GDAP2: variants seen among roughly 807,000 people sequenced by gnomAD.
GDAP2 encodes the protein ganglioside-induced differentiation-associated protein 2.
In GDAP2, 51 loss-of-function variants were observed where a neutral mutation model predicts 67.0. The ratio of observed to expected loss-of-function variants is 0.76; its 90% CI spans 0.61 to 0.96. The LOEUF is 0.96. Among genes scored for constraint, GDAP2 ranks in the 40% least tolerant of loss-of-function variants. The pLI is 0.00. For synonymous variants in GDAP2, 203 were observed against 207.3 expected (o/e 0.98, Z 0.18); for missense variants, 547 against 588.3 (o/e 0.93, Z 0.73).
chr1:117,914,360 G>A (rs1204148069), intron 3 of GDAP2, among the ~76,000 whole-genome samples: 1 of 152,010 alleles, frequency 6.6e-6, no homozygotes, highest in Non-Finnish European at 1.5e-5. Flanking sequence ...GAAATGAAAA[G>A]TTCAATAGAA....
intron 13 of GDAP2, among the ~76,000 whole-genome samples, chr1:117,870,921 G>A (rs938215657): frequency 6.6e-6 from 1 of 152,112 alleles, no homozygotes; most frequent in African/African-American, 2.4e-5. Context: ...CCATGAAGTA[G>A]GTAACATCCT....
intron 8 of GDAP2, among the ~76,000 whole-genome samples, chr1:117,891,419 C>T (rs1271450268): frequency 6.6e-6 from 1 of 152,008 alleles, no homozygotes; most frequent in Non-Finnish European, 1.5e-5. Context: ...CTGTGAATCC[C>T]TGTCCTCACC....
chr1:117,902,102 G>A (rs746090996), intron 6 of GDAP2, among the ~76,000 whole-genome samples: 6 of 152,144 alleles, frequency 3.9e-5, no homozygotes, highest in Non-Finnish European at 7.4e-5. Context: ...GCCCTGCATA[G>A]CACCCATGCC....
rs990179811 is a variant in GDAP2 at position 117,900,106 on chromosome 1, A to G, written c.637-890T>C. Among the ~76,000 whole-genome samples the G allele has an allele frequency of 2.0e-5, 3 of 152,172 alleles. No individual in the cohort carries two copies. The East Asian group carries it at 5.8e-4, about 29-fold the overall frequency. ...AAAAAAACTGAGACAGAATTCACAT[A>G]CCATAAAATTCACCCTTTTAAAGTA... On this transcript the variant is annotated intron_variant, in intron 6 of 13. Coordinates refer to ENST00000369443, the MANE Select transcript of GDAP2 (RefSeq NM_017686.4).
chr1:117,913,180 T>G (rs1177729649), intron 3 of GDAP2, among the ~76,000 whole-genome samples: 1 of 152,160 alleles, frequency 6.6e-6, no homozygotes, highest in African/African-American at 2.4e-5. Flanking sequence ...TTCACAGGAT[T>G]AAACGAGTTA....
intron 5 of GDAP2, among the ~76,000 whole-genome samples, chr1:117,909,631 A>G (rs983510639): frequency 2.0e-5 from 3 of 152,218 alleles, no homozygotes; most frequent in Non-Finnish European, 2.9e-5. Flanking sequence ...ATGAAATGCT[A>G]CAGTTTTGCC....
At chr1:117,893,094 C>T (rs1471516386) in intron 8 of GDAP2, among the ~76,000 whole-genome samples, 4 of 151,938 alleles carry the variant, frequency 2.6e-5, no homozygotes, top group Non-Finnish European at 4.4e-5. Context: ...ACATTTGGCA[C>T]ATTAGTAAAA....
chr1:117,875,253 C>T (rs1354529490), intron 13 of GDAP2, among the ~76,000 whole-genome samples: 1 of 152,220 alleles, frequency 6.6e-6, no homozygotes, highest in Non-Finnish European at 1.5e-5. Context: ...TTTAACACTT[C>T]AGGATGCTGC....
intron 6 of GDAP2, 97 bp downstream of exon 6, chr1:117,906,409 T>C: frequency 1.5e-6 from 1 of 680,458 alleles, no homozygotes; most frequent in Middle Eastern, 2.6e-4. Flanking sequence ...CATTAGGATT[T>C]GTCTGCTGGA....
chr1:117,907,667 A>G (rs1649704617), intron 5 of GDAP2, among the ~76,000 whole-genome samples: 1 of 152,050 alleles, frequency 6.6e-6, no homozygotes, highest in South Asian at 2.1e-4. Context: ...TCTATTGCTA[A>G]TATTTCTAAC....
chr1:117,867,529 A>T lies in GDAP2; in HGVS notation c.*3040T>A, dbSNP rs1307308714. The T allele has an allele frequency of 5.9e-5, 3 of 50,548 alleles. No individual in the cohort carries two copies. The highest frequency in any genetic ancestry group is 6.4e-5 in the African/African-American group (1 of 15,512). The allele number at this position is 50,548 out of a possible 1,614,324, so 3.1% of individuals were successfully genotyped here. On this transcript the variant is annotated 3_prime_UTR_variant, in exon 14 of 14. Transcript: ENST00000369443. ...CATGGTGAAACCCTGTCTCTACTGA[A>T]AAAAAAAAAAAAAAAAAAAAAAATT...
At chr1:117,901,325 A>G (rs1649461577) in intron 6 of GDAP2, among the ~76,000 whole-genome samples, 1 of 152,180 alleles carries the variant, frequency 6.6e-6, no homozygotes. Flanking sequence ...TACTACAGAT[A>G]TTTGTGTACA....
In GDAP2 at chr1:117,906,527, A is replaced by C. The variant is rs1283976554; in HGVS notation, c.615T>G (p.Phe205Leu). ...IHGETIEKVV[F>L]AVSDLEEGTY... The stretch of plus-strand genomic sequence containing the variant: ...ATACCTCTTCAAGATCAGAGACAGC[A>C]AATACTACTTTTTCAATGGTTTCCC... Residue 205 changes from phenylalanine (F) to leucine (L), a missense_variant, in exon 6 of 14, where the codon TTT (phenylalanine) becomes TTG (leucine). Phe to Leu is a conservative substitution (Grantham distance 22). Coordinates refer to ENST00000369443, the MANE Select transcript of GDAP2 (RefSeq NM_017686.4). The C allele has an allele frequency of 6.4e-7, 1 of 1,569,464 alleles. No homozygotes were observed. The highest frequency in any genetic ancestry group is 1.4e-5 in the African/African-American group (1 of 73,856).
chr1:117,870,269 G>T lies in GDAP2; in HGVS notation c.*300C>A. 5.2e-6 allele frequency: 2 copies of T among 387,898 alleles called. No homozygotes were observed. The highest frequency in any genetic ancestry group is 6.0e-5 in the South Asian group (2 of 33,592). The allele number at this position is 387,898 out of a possible 1,614,324, so 24.0% of individuals were successfully genotyped here. On this transcript the variant is annotated 3_prime_UTR_variant, in exon 14 of 14. Transcript: ENST00000369443. ...TGGTGGTTTATCTAATGGAGAATTCGGTGTCCTTCAGGAAACTAAAGATAC... is the reference window on the plus strand; with the variant it reads ...TGGTGGTTTATCTAATGGAGAATTCTGTGTCCTTCAGGAAACTAAAGATAC...
At position 117,929,574 on chromosome 1, in the gene GDAP2, A is replaced by T. The variant is rs1266486433; in HGVS notation, c.-194T>A. ...GAGTACGGCGAGTCAAAGTCCCAGGAGACTGGAGTGACCAGCTGCAAATGC... is the reference window on the plus strand; with the variant it reads ...GAGTACGGCGAGTCAAAGTCCCAGGTGACTGGAGTGACCAGCTGCAAATGC... On this transcript the variant is annotated 5_prime_UTR_variant, in exon 1 of 14. Transcript: ENST00000369443. 6.6e-6 allele frequency: 1 copy of T among 152,398 alleles called. No individual in the cohort carries two copies. The highest frequency in any genetic ancestry group is 6.5e-5 in the Admixed American group (1 of 15,290). The allele number at this position is 152,398 out of a possible 1,614,324, so 9.4% of individuals were successfully genotyped here. A position where few individuals can be genotyped will look rare whatever the true frequency, so the allele number is the denominator to read the frequency against.
intron 5 of GDAP2, among the ~76,000 whole-genome samples, chr1:117,911,595 A>T (rs1056900419): frequency 1.3e-5 from 2 of 152,164 alleles, no homozygotes; most frequent in African/African-American, 2.4e-5. Context: ...AAATTAAAAA[A>T]ATTAATAGGC....
rs761263591 is a variant in GDAP2 at position 117,870,597 on chromosome 1, G to A, written c.1466C>T (p.Thr489Ile). 30 of 1,604,048 alleles carry A rather than the reference G, an allele frequency of 1.9e-5. No homozygotes were observed. Among genetic ancestry groups the A allele is most frequent in the Non-Finnish European group, 1.7e-6 (2 of 1,171,092 alleles). The change falls in exon 14 of 14, where the codon ACA becomes ATA. Residue 489 changes from threonine to isoleucine, a missense_variant. Coordinates refer to ENST00000369443, the MANE Select transcript of GDAP2 (RefSeq NM_017686.4). ...YDARENGPYY[T>I]SYPPSPDL is the part of the protein sequence containing the mutation. ...CAAATCTGGTGATGGGGGATATGAT[G>A]TATAGTAAGGCCCGTTTTCCTGTGG...
chr1:117,881,913 T>C (rs763406801), intron 11 of GDAP2, 36 bp from the exon 12 acceptor site: 1 of 1,176,144 alleles, frequency 8.5e-7, no homozygotes, highest in South Asian at 1.2e-5. Context: ...AAAATCAGTA[T>C]AAGTTCATGC....
intron 8 of GDAP2, among the ~76,000 whole-genome samples, chr1:117,896,416 A>G (rs941829124): frequency 3.9e-5 from 6 of 152,206 alleles, no homozygotes; most frequent in South Asian, 2.1e-4. Flanking sequence ...GGTCCTTCGG[A>G]TAAGTCAGGG....
Sources: gnomAD v4.1 joint callset for allele counts (sites outside exome capture counted in the v4.1 genomes callset) on GRCh38, gnomAD v4.1.1 for gene constraint, MANE v1.5 for transcripts, NCBI Gene and HGNC (gene_info 2026-07-23, HGNC 2026-07-21) for gene names.